SPAG16: variants seen among roughly 807,000 people sequenced by gnomAD.
SPAG16 encodes sperm-associated antigen 16 protein.
Under a neutral mutation model 80.4 loss-of-function variants are expected in SPAG16, and 86 were observed. The observed-to-expected ratio is 1.07, with a 90% CI of 0.90 to 1.28. The LOEUF (loss-of-function observed/expected upper bound fraction) is 1.28, where lower values mean the gene tolerates loss of function less well. Ranked by LOEUF, SPAG16 falls within the 50% of genes most tolerant of loss-of-function variation. The pLI, the probability that SPAG16 is intolerant of heterozygous loss-of-function variation, is 0.00. For missense variants in SPAG16, 870 were observed against 765.3 expected (o/e 1.14, Z -1.61); for synonymous variants, 294 against 265.9 (o/e 1.11, Z -1.03).
At chr2:213,627,842 C>G (rs1158289312) in intron 10 of SPAG16, among the ~76,000 whole-genome samples, 2 of 152,200 alleles carry the variant, frequency 1.3e-5, no homozygotes, top group Non-Finnish European at 2.9e-5. Flanking sequence ...AAGTCAAGGT[C>G]TTTGGTCCAG....
intron 15 of SPAG16, among the ~76,000 whole-genome samples, chr2:214,386,138 G>T (rs1002717681): frequency 6.6e-6 from 1 of 152,206 alleles, no homozygotes; most frequent in Admixed American, 6.5e-5. Context: ...ACTTCGGGAG[G>T]CTGAGGCAGG....
intron 9 of SPAG16, among the ~76,000 whole-genome samples, chr2:213,478,844 GA>G (rs1366617092): frequency 1.3e-5 from 2 of 152,042 alleles, no homozygotes; most frequent in Non-Finnish European, 2.9e-5. Context: ...ATACTCTTAA[GA>G]ATCTTCAATT....
At chr2:213,404,405 A>C in intron 9 of SPAG16, among the ~76,000 whole-genome samples, 1 of 152,100 alleles carries the variant, frequency 6.6e-6, no homozygotes, top group East Asian at 1.9e-4. Flanking sequence ...ATAATGCTGC[A>C]TATCTACAAC....
intron 14 of SPAG16, among the ~76,000 whole-genome samples, chr2:214,134,035 A>G (rs1177480052): frequency 2.0e-5 from 3 of 152,204 alleles, no homozygotes; most frequent in Non-Finnish European, 4.4e-5. Flanking sequence ...GGAGATGTAG[A>G]TTCAAGAGTC....
chr2:214,376,890 C>T (rs943996387), intron 15 of SPAG16, among the ~76,000 whole-genome samples: 3 of 152,194 alleles, frequency 2.0e-5, no homozygotes, highest in East Asian at 1.9e-4. Flanking sequence ...CAGGTTTGAA[C>T]TGCCTCGGTG....
chr2:214,095,977 A>G (rs2052560735), intron 13 of SPAG16, among the ~76,000 whole-genome samples: 1 of 151,972 alleles, frequency 6.6e-6, no homozygotes, highest in Non-Finnish European at 1.5e-5. Context: ...TAAAGTCAAT[A>G]ATAATGTAAA....
intron 15 of SPAG16, among the ~76,000 whole-genome samples, chr2:214,220,496 C>G (rs2058539426): frequency 6.6e-6 from 1 of 152,100 alleles, no homozygotes; most frequent in African/African-American, 2.4e-5. Context: ...AAAGTTAAGT[C>G]ACTGCTACTC....
chr2:214,356,565 A>G (rs1698817692), intron 15 of SPAG16, among the ~76,000 whole-genome samples: 1 of 107,758 alleles, frequency 9.3e-6, no homozygotes, highest in East Asian at 2.1e-4. Context: ...GATGTACTGA[A>G]AGCCCCACCC....
chr2:214,094,619 G>T (rs368913073), intron 13 of SPAG16, among the ~76,000 whole-genome samples: 1 of 152,054 alleles, frequency 6.6e-6, no homozygotes, highest in South Asian at 2.1e-4. Context: ...GAATCATAAA[G>T]AATTATTCCC....
intron 9 of SPAG16, among the ~76,000 whole-genome samples, chr2:213,468,133 A>G (rs1458862913): frequency 6.6e-6 from 1 of 151,914 alleles, no homozygotes; most frequent in Non-Finnish European, 1.5e-5. Flanking sequence ...TTGTCCCTCA[A>G]ATGAATTAGG....
intron 10 of SPAG16, among the ~76,000 whole-genome samples, chr2:213,501,712 G>A (rs572100594): frequency 6.6e-6 from 1 of 152,278 alleles, no homozygotes; most frequent in South Asian, 2.1e-4. Context: ...TGACAATAGA[G>A]TATACTTTTC....
At chr2:214,359,436 T>C (rs1191879398) in intron 15 of SPAG16, among the ~76,000 whole-genome samples, 1 of 151,914 alleles carries the variant, frequency 6.6e-6, no homozygotes, top group African/African-American at 2.4e-5. Flanking sequence ...AACAGCATTT[T>C]TGGTGTTGCT....
intron 13 of SPAG16, among the ~76,000 whole-genome samples, chr2:214,048,391 T>C (rs1177033390): frequency 6.6e-6 from 1 of 152,160 alleles, no homozygotes; most frequent in Non-Finnish European, 1.5e-5. Context: ...AAAAATGTCA[T>C]CTTCTCACTT....
chr2:213,933,278 A>G (rs1367076961), intron 12 of SPAG16, among the ~76,000 whole-genome samples: 1 of 152,228 alleles, frequency 6.6e-6, no homozygotes, highest in Admixed American at 6.5e-5. Flanking sequence ...AAATGACTTA[A>G]CAATGTTGGT....
At chr2:214,200,570 G>A (rs563413382) in intron 15 of SPAG16, among the ~76,000 whole-genome samples, 1 of 152,182 alleles carries the variant, frequency 6.6e-6, no homozygotes, top group South Asian at 2.1e-4. Context: ...GTTACAAAGA[G>A]GGGGAGGTGA....
chr2:213,700,495 G>A (rs772093603), intron 10 of SPAG16, among the ~76,000 whole-genome samples: 22 of 152,060 alleles, frequency 1.4e-4, no homozygotes, highest in Non-Finnish European at 2.9e-4. Context: ...CCAGACAAAT[G>A]TGTATTCCAT....
chr2:213,592,903 C>T (rs1379608726), intron 10 of SPAG16, among the ~76,000 whole-genome samples: 1 of 152,182 alleles, frequency 6.6e-6, no homozygotes, highest in Non-Finnish European at 1.5e-5. Context: ...GAACGCAGCT[C>T]TTCTAACAGA....
At chr2:213,358,785 C>T (rs928997633) in intron 7 of SPAG16, among the ~76,000 whole-genome samples, 2 of 152,154 alleles carry the variant, frequency 1.3e-5, no homozygotes, top group African/African-American at 4.8e-5. Flanking sequence ...ATTCTCCATC[C>T]AGTTTTGTTC....
At chr2:214,198,570 C>T (rs147723216) in intron 15 of SPAG16, among the ~76,000 whole-genome samples, 4 of 152,022 alleles carry the variant, frequency 2.6e-5, no homozygotes, top group Admixed American at 6.6e-5. Context: ...TGTGTGTCCA[C>T]GTATCTTTTT....
Sources: allele counts gnomAD v4.1 joint callset (sites outside exome capture counted in the v4.1 genomes callset), GRCh38; gene constraint gnomAD v4.1.1; transcripts MANE v1.5; gene names NCBI Gene and HGNC (gene_info 2026-07-23, HGNC 2026-07-21).